The following KIAA1217 variants were observed in gnomAD, a reference collection of about 807,000 sequenced individuals.
KIAA1217 encodes the protein KIAA1217, also known as sickle tail protein homolog.
KIAA1217 carries 88 observed loss-of-function variants against 163.9 expected under a neutral mutation model. The ratio of observed to expected loss-of-function variants is 0.54; its 90% CI spans 0.45 to 0.64. The LOEUF (loss-of-function observed/expected upper bound fraction) is 0.64. Ranked by LOEUF, KIAA1217 falls within the 30% of genes least tolerant of loss-of-function variation. KIAA1217 has a pLI of 0.00. For synonymous variants in KIAA1217, 903 were observed against 923.1 expected (o/e 0.98, Z 0.39); for missense variants, 2,372 against 2,475.0 (o/e 0.96, Z 0.88).
At chr10:24,287,209 C>T (rs761158083) in intron 2 of KIAA1217, among the ~76,000 whole-genome samples, 11 of 152,104 alleles carry the variant, frequency 7.2e-5, no homozygotes, top group Admixed American at 3.3e-4. Flanking sequence ...CGCCACACGC[C>T]GAGCTAATTT....
intron 2 of KIAA1217, among the ~76,000 whole-genome samples, chr10:24,284,795 A>G (rs550673599): frequency 1.3e-5 from 2 of 152,182 alleles, no homozygotes; most frequent in Non-Finnish European, 2.9e-5. Context: ...TTCTGTTTTT[A>G]GTTCTTTATG....
At chr10:24,298,753 G>T (rs1013721012) in intron 2 of KIAA1217, among the ~76,000 whole-genome samples, 1 of 151,998 alleles carries the variant, frequency 6.6e-6, no homozygotes, top group African/African-American at 2.4e-5. Flanking sequence ...AGCCAAGATC[G>T]CACCACTGCA....
At chr10:23,697,039 G>A (rs1836088433) in intron 1 of KIAA1217, among the ~76,000 whole-genome samples, 1 of 152,162 alleles carries the variant, frequency 6.6e-6, no homozygotes, top group Non-Finnish European at 1.5e-5. Context: ...CCTTAAACAA[G>A]TGTTTGTTTT....
chr10:24,394,799 G>A (rs1279241594), intron 3 of KIAA1217, among the ~76,000 whole-genome samples: 4 of 152,148 alleles, frequency 2.6e-5, no homozygotes, highest in Non-Finnish European at 4.4e-5. Flanking sequence ...CCATCAGAGA[G>A]CCCTCCACTG....
chr10:24,097,787 A>T (rs1337868189), intron 2 of KIAA1217, among the ~76,000 whole-genome samples: 1 of 152,186 alleles, frequency 6.6e-6, no homozygotes, highest in African/African-American at 2.4e-5. Context: ...TCTGCAAGGA[A>T]AGCTGAAGTG....
chr10:24,049,864 A>G (rs545270630), intron 2 of KIAA1217, among the ~76,000 whole-genome samples: 1 of 152,248 alleles, frequency 6.6e-6, no homozygotes, highest in East Asian at 1.9e-4. Context: ...CTGGTTCTAG[A>G]TCCTTGAGGA....
intron 1 of KIAA1217, among the ~76,000 whole-genome samples, chr10:23,945,434 T>C (rs956702165): frequency 1.3e-5 from 2 of 152,182 alleles, no homozygotes; most frequent in African/African-American, 2.4e-5. Flanking sequence ...TTTATGGTGA[T>C]AGAAATCAGA....
At chr10:24,493,830 C>T (rs1483504752) in intron 6 of KIAA1217, among the ~76,000 whole-genome samples, 1 of 152,136 alleles carries the variant, frequency 6.6e-6, no homozygotes, top group African/African-American at 2.4e-5. Context: ...TTCACTGGTG[C>T]AATCTTGGTA....
At chr10:24,478,222 A>G (rs1276010920) in intron 6 of KIAA1217, among the ~76,000 whole-genome samples, 3 of 152,320 alleles carry the variant, frequency 2.0e-5, no homozygotes, top group East Asian at 3.9e-4. Context: ...TTCCACATGC[A>G]TACTTTGAAG....
chr10:24,209,782 A>C (rs1049151629), intron 1 of KIAA1217, among the ~76,000 whole-genome samples: 4 of 152,228 alleles, frequency 2.6e-5, no homozygotes, highest in African/African-American at 7.2e-5. Flanking sequence ...GGGCTTGAGC[A>C]TCTGGGTGAT....
chr10:23,845,829 T>C (rs1274787546), intron 1 of KIAA1217, among the ~76,000 whole-genome samples: 5 of 152,226 alleles, frequency 3.3e-5, no homozygotes, highest in Non-Finnish European at 7.3e-5. Context: ...TGAATTTTAT[T>C]GCCTAGGTTT....
intron 1 of KIAA1217, among the ~76,000 whole-genome samples, chr10:24,004,106 A>C (rs913162926): frequency 2.6e-5 from 4 of 152,062 alleles, no homozygotes; most frequent in African/African-American, 4.8e-5. Context: ...CAGCCTCCTG[A>C]GTAGCTGGGA....
intron 1 of KIAA1217, among the ~76,000 whole-genome samples, chr10:23,856,427 G>T (rs1310044848): frequency 6.6e-6 from 1 of 152,232 alleles, no homozygotes; most frequent in Non-Finnish European, 1.5e-5. Flanking sequence ...CCCTACTGGA[G>T]GGTGCCTCCC....
chr10:24,205,772 CAA>C (rs11388565), upstream of KIAA1217, among the ~76,000 whole-genome samples: 2 of 142,066 alleles, frequency 1.4e-5, no homozygotes, highest in Non-Finnish European at 1.5e-5. Flanking sequence ...GATGCTGTCT[CAA>C]AAAAAAAAAG....
At chr10:23,820,129 C>T (rs566797713) in intron 1 of KIAA1217, among the ~76,000 whole-genome samples, 6 of 152,210 alleles carry the variant, frequency 3.9e-5, no homozygotes, top group Middle Eastern at 3.4e-3. Flanking sequence ...CAAAGCTCAT[C>T]GTCAAAGAGT....
chr10:24,280,594 G>C (rs540084605), intron 2 of KIAA1217, among the ~76,000 whole-genome samples: 1 of 152,028 alleles, frequency 6.6e-6, no homozygotes, highest in Non-Finnish European at 1.5e-5. Flanking sequence ...GGTGGATTGC[G>C]AGGTCAGGAG....
chr10:23,752,552 G>A (rs577758503), intron 1 of KIAA1217, among the ~76,000 whole-genome samples: 8 of 152,078 alleles, frequency 5.3e-5, no homozygotes, highest in African/African-American at 1.2e-4. Flanking sequence ...CACATATAAC[G>A]TTCATTTTTA....
At chr10:24,032,799 A>G (rs1272352352) in intron 2 of KIAA1217, among the ~76,000 whole-genome samples, 3 of 152,312 alleles carry the variant, frequency 2.0e-5, no homozygotes, top group Non-Finnish European at 4.4e-5. Context: ...GTTCAATAAT[A>G]TCTCTGGAGA....
chr10:24,052,139 G>A (rs1320443698), intron 2 of KIAA1217, among the ~76,000 whole-genome samples: 1 of 152,230 alleles, frequency 6.6e-6, no homozygotes, highest in East Asian at 1.9e-4. Context: ...CAAGAAGAGT[G>A]TGTATTGAGC....
Sources: gnomAD v4.1 joint callset for allele counts (sites outside exome capture counted in the v4.1 genomes callset) on GRCh38, gnomAD v4.1.1 for gene constraint, MANE v1.5 for transcripts, NCBI Gene and HGNC (gene_info 2026-07-23, HGNC 2026-07-21) for gene names.